ERBB4: variants seen among roughly 807,000 people sequenced by gnomAD.
ERBB4 encodes receptor tyrosine-protein kinase erbB-4.
ERBB4 carries 42 observed loss-of-function variants against 158.0 expected under a neutral mutation model. That is an observed-to-expected ratio of 0.27 (90% CI 0.21 to 0.34). ERBB4 has a LOEUF of 0.34. Ranked by LOEUF, ERBB4 falls within the 10% of genes least tolerant of loss-of-function variation. The pLI, the probability that ERBB4 is intolerant of heterozygous loss-of-function variation, is 1.00. For synonymous variants in ERBB4, 583 were observed against 558.7 expected (o/e 1.04, Z -0.61); for missense variants, 1,333 against 1,624.1 (o/e 0.82, Z 3.08).
At chr2:211,568,382 A>T (rs2125737923) in intron 19 of ERBB4, among the ~76,000 whole-genome samples, 1 of 152,248 alleles carries the variant, frequency 6.6e-6, no homozygotes, top group Admixed American at 6.5e-5. Context: ...GCCTGAAGGG[A>T]AGACATTTTT....
chr2:211,923,391 T>C (rs781005641), intron 3 of ERBB4, among the ~76,000 whole-genome samples: 6 of 152,232 alleles, frequency 3.9e-5, no homozygotes, highest in Non-Finnish European at 7.4e-5. Context: ...TAAGATGAAA[T>C]TGAATGAATA....
chr2:212,446,602 T>TATATATATAC (rs2092358178), intron 1 of ERBB4, among the ~76,000 whole-genome samples: 1 of 23,860 alleles, frequency 4.2e-5, no homozygotes, highest in Non-Finnish European at 7.8e-5. Flanking sequence ...TATATATATA[T>TATATATATAC]ATATATATAT....
intron 2 of ERBB4, among the ~76,000 whole-genome samples, chr2:212,042,077 C>T (rs527708500): frequency 6.6e-6 from 1 of 151,960 alleles, no homozygotes; most frequent in Non-Finnish European, 1.5e-5. Flanking sequence ...TGGTTCTCCC[C>T]CTACCCCACC....
intron 1 of ERBB4, among the ~76,000 whole-genome samples, chr2:212,496,844 T>C (rs1311280200): frequency 1.3e-5 from 2 of 152,314 alleles, no homozygotes; most frequent in East Asian, 3.9e-4. Flanking sequence ...TTCTCTTCTG[T>C]TTCTTGGACC....
intron 2 of ERBB4, among the ~76,000 whole-genome samples, chr2:212,064,604 A>G (rs1389421712): frequency 6.6e-6 from 1 of 152,070 alleles, no homozygotes; most frequent in Non-Finnish European, 1.5e-5. Flanking sequence ...CATTCATTAT[A>G]CCTACATATA....
chr2:211,515,279 A>G (rs1180517506), intron 20 of ERBB4, among the ~76,000 whole-genome samples: 1 of 152,084 alleles, frequency 6.6e-6, no homozygotes, highest in Admixed American at 6.5e-5. Flanking sequence ...TAATATGGAG[A>G]CAATTTATTG....
intron 3 of ERBB4, among the ~76,000 whole-genome samples, chr2:211,835,715 CA>C (rs2077327255): frequency 6.6e-6 from 1 of 151,878 alleles, no homozygotes; most frequent in Non-Finnish European, 1.5e-5. Flanking sequence ...CTGATGAAGA[CA>C]AATCATTTGC....
chr2:212,086,881 A>G (rs373574227), intron 2 of ERBB4, among the ~76,000 whole-genome samples: 2 of 151,980 alleles, frequency 1.3e-5, no homozygotes. Context: ...CCAAAGATAA[A>G]CTGAACTCCA....
chr2:211,840,281 CT>C (rs1380595920), intron 3 of ERBB4, among the ~76,000 whole-genome samples: 1 of 151,996 alleles, frequency 6.6e-6, no homozygotes, highest in Non-Finnish European at 1.5e-5. Context: ...AAAGACGTGA[CT>C]TTGCTCCTCC....
intron 1 of ERBB4, among the ~76,000 whole-genome samples, chr2:212,409,207 G>T (rs956539351): frequency 2.0e-5 from 3 of 152,032 alleles, no homozygotes; most frequent in African/African-American, 7.2e-5. Context: ...TTAAATGAGG[G>T]TAAAAATACA....
At chr2:211,927,193 G>C (rs188892651) in intron 3 of ERBB4, among the ~76,000 whole-genome samples, 8 of 152,272 alleles carry the variant, frequency 5.3e-5, no homozygotes, top group African/African-American at 1.9e-4. Flanking sequence ...TTATTGATAG[G>C]TTTAGGTTTT....
intron 2 of ERBB4, among the ~76,000 whole-genome samples, chr2:212,080,672 A>T (rs2078413952): frequency 1.2e-5 from 1 of 80,552 alleles, no homozygotes; most frequent in Non-Finnish European, 2.5e-5. Flanking sequence ...TATGGTATAA[A>T]TAGTAAAAAA....
At chr2:211,853,186 G>A (rs1047369004) in intron 3 of ERBB4, among the ~76,000 whole-genome samples, 1 of 151,972 alleles carries the variant, frequency 6.6e-6, no homozygotes, top group African/African-American at 2.4e-5. Context: ...TGGAAATAGA[G>A]ATCAGATTCT....
intron 1 of ERBB4, among the ~76,000 whole-genome samples, chr2:212,348,870 A>C (rs2089131557): frequency 6.6e-6 from 1 of 152,138 alleles, no homozygotes; most frequent in Non-Finnish European, 1.5e-5. Context: ...ATAATCCAAG[A>C]CTTAGGCAAA....
intron 2 of ERBB4, among the ~76,000 whole-genome samples, chr2:211,968,079 TTACA>T (rs1035540687): frequency 3.3e-5 from 5 of 152,152 alleles, no homozygotes; most frequent in Non-Finnish European, 2.9e-5. Context: ...TCATATTAAC[TTACA>T]TACTAAAGTA....
At chr2:212,263,765 A>T (rs1367720613) in intron 1 of ERBB4, among the ~76,000 whole-genome samples, 1 of 151,976 alleles carries the variant, frequency 6.6e-6, no homozygotes, top group Non-Finnish European at 1.5e-5. Context: ...TAGGGAGAAA[A>T]AACAGTAAAA....
At chr2:211,915,652 G>A (rs938474780) in intron 3 of ERBB4, among the ~76,000 whole-genome samples, 1 of 151,790 alleles carries the variant, frequency 6.6e-6, no homozygotes, top group African/African-American at 2.4e-5. Context: ...CAAGGAGTCT[G>A]GGCAGGCCAA....
intron 2 of ERBB4, among the ~76,000 whole-genome samples, chr2:211,975,705 C>A (rs902433765): frequency 6.6e-6 from 1 of 152,098 alleles, no homozygotes; most frequent in African/African-American, 2.4e-5. Context: ...TCATTACTTT[C>A]ATTCATTTAC....
At chr2:211,393,244 A>G (rs943013165) in intron 25 of ERBB4, among the ~76,000 whole-genome samples, 1 of 152,192 alleles carries the variant, frequency 6.6e-6, no homozygotes, top group Non-Finnish European at 1.5e-5. Context: ...AAACTAATAT[A>G]TATTATGTAC....
Sources: allele counts gnomAD v4.1 joint callset (sites outside exome capture counted in the v4.1 genomes callset), GRCh38; gene constraint gnomAD v4.1.1; transcripts MANE v1.5; gene names NCBI Gene and HGNC (gene_info 2026-07-23, HGNC 2026-07-21).